GMEB2: variants seen among roughly 807,000 people sequenced by gnomAD.
The protein encoded by GMEB2 is glucocorticoid modulatory element-binding protein 2.
In GMEB2, 7 loss-of-function variants were observed where a neutral mutation model predicts 45.7. The observed-to-expected ratio is 0.15, with a 90% CI of 0.09 to 0.29. The LOEUF is 0.29. GMEB2 is among the 10% of genes least tolerant of loss of function. The pLI, the probability that GMEB2 is intolerant of heterozygous loss-of-function variation, is 1.00. For missense variants in GMEB2, 582 were observed against 739.2 expected (o/e 0.79, Z 2.47); for synonymous variants, 322 against 323.6 (o/e 1.00, Z 0.05).
intron 6 of GMEB2, among the ~76,000 whole-genome samples, chr20:63,594,074 T>C (rs969254779): frequency 6.6e-6 from 1 of 152,242 alleles, no homozygotes; most frequent in Admixed American, 6.5e-5. Context: ...ATACTGGCCT[T>C]TTCCACATTC....
chr20:63,591,240 G>A (rs1018720705), intron 9 of GMEB2, among the ~76,000 whole-genome samples: 1 of 151,962 alleles, frequency 6.6e-6, no homozygotes, highest in Non-Finnish European at 1.5e-5. Flanking sequence ...AGTGAAGAGT[G>A]AACACACAGT....
chr20:63,604,415 G>A (rs899818987), intron 3 of GMEB2, among the ~76,000 whole-genome samples: 8 of 152,146 alleles, frequency 5.3e-5, no homozygotes, highest in African/African-American at 1.2e-4. Flanking sequence ...TTCACTGATC[G>A]TTATAATAAA....
In GMEB2 at chr20:63,592,656, A is replaced by G; in HGVS notation, c.706T>C (p.Phe236Leu). The G allele has an allele frequency of 6.2e-7, 1 of 1,613,572 alleles. No homozygotes were observed. Among genetic ancestry groups the G allele is most frequent in the African/African-American group, 1.3e-5 (1 of 75,036 alleles). The change falls in exon 8 of 10, where the codon TTC (phenylalanine) becomes CTC (leucine). Residue 236 changes from phenylalanine to leucine, a missense_variant. Transcript: ENST00000370077. This position sits in a 1 kb window ranked among gnomAD's most constrained non-coding sequence, Gnocchi z 8.2. ...TAAIGDDTFT[F>L]WRGLKDAGLL... The stretch of plus-strand genomic sequence containing the variant: ...CCGGCGTCCTTCAGCCCCCGCCAGA[A>G]GGTAAATGTGTCATCTGTGAGGGAA...
chr20:63,599,176 GC>G (rs1189439200), intron 4 of GMEB2, among the ~76,000 whole-genome samples: 3 of 150,154 alleles, frequency 2.0e-5, no homozygotes, highest in Admixed American at 6.6e-5. Context: ...CGCTAACGCG[GC>G]CCGCTCCTGA....
chr20:63,617,892 C>A (rs764617183), intron 2 of GMEB2, among the ~76,000 whole-genome samples: 3 of 152,188 alleles, frequency 2.0e-5, no homozygotes, highest in Admixed American at 1.3e-4. Flanking sequence ...AGCAGCCTCT[C>A]CCCAGGTCAG....
At chr20:63,620,976 C>G (rs973708094) in intron 1 of GMEB2, among the ~76,000 whole-genome samples, 1 of 152,062 alleles carries the variant, frequency 6.6e-6, no homozygotes, top group Non-Finnish European at 1.5e-5. Context: ...ACATTGTCAA[C>G]CAAGTGGAAA....
At position 63,604,113 on chromosome 20, in the gene GMEB2, C is replaced by G. The variant is rs6122133; in HGVS notation, c.229+630G>C. Among the ~76,000 whole-genome samples, 117 of 149,498 alleles carry G rather than the reference C, an allele frequency of 7.8e-4. 2 individuals are homozygous for G. The East Asian group carries it at 0.016, about 21-fold the overall frequency. The stretch of plus-strand genomic sequence containing the variant: ...AGGCTCAGTGGCTCACACCTGTAAT[C>G]CCAACACTTTGGGAGGCTGAGGCTG... On this transcript the variant is annotated intron_variant, in intron 3 of 9. Transcript: ENST00000370077.
In GMEB2 at chr20:63,619,978, C is replaced by G. The variant is rs956355531; in HGVS notation, c.-57-524G>C. 1 of 152,484 alleles carries G rather than the reference C, an allele frequency of 6.6e-6. No homozygotes were observed. Among genetic ancestry groups the G allele is most frequent in the African/African-American group, 2.4e-5 (1 of 41,456 alleles). 9.4% of individuals were successfully genotyped at this position (152,484 alleles called of 1,614,324 possible). On this transcript the variant is annotated intron_variant, in intron 1 of 9. Transcript: ENST00000370077. The surrounding 1 kb of genome is among the most constrained non-coding windows in gnomAD (Gnocchi z 4.6). Reference sequence around the variant, plus strand: ...TTGGGTTTTTTTTGAGACGGAGTCTCGCTCTGTCGCCCAGGCTGGAATGCA... The same window carrying G: ...TTGGGTTTTTTTTGAGACGGAGTCTGGCTCTGTCGCCCAGGCTGGAATGCA...
intron 2 of GMEB2, among the ~76,000 whole-genome samples, chr20:63,618,219 C>A (rs1004279049): frequency 6.6e-6 from 1 of 152,160 alleles, no homozygotes; most frequent in Non-Finnish European, 1.5e-5. Flanking sequence ...TGTGAACATC[C>A]AGCTAGCAGG....
rs1266476737 is a variant in GMEB2, at chr20:63,588,142, A to G, written c.*1947T>C. 1 of 152,392 alleles carries G rather than the reference A, an allele frequency of 6.6e-6. No homozygotes were observed. The highest frequency in any genetic ancestry group is 2.4e-5 in the African/African-American group (1 of 41,466). The allele number at this position is 152,392 out of a possible 1,614,324, so 9.4% of individuals were successfully genotyped here. Reference sequence around the variant, plus strand: ...GAAGCTGGTTGTGGCTTATTTTTGTATGGCTCTGAAATTAACTTCCTCTCC... The same window carrying G: ...GAAGCTGGTTGTGGCTTATTTTTGTGTGGCTCTGAAATTAACTTCCTCTCC... On this transcript the variant is annotated 3_prime_UTR_variant, in exon 10 of 10. Transcript: ENST00000370077.
Position 63,595,658 on chromosome 20 carries a change from T to C in GMEB2, c.571A>G (p.Ser191Gly), listed in dbSNP as rs763565460. 3 of 1,613,582 alleles carry C rather than the reference T, an allele frequency of 1.9e-6. No homozygotes were observed. The highest frequency in any genetic ancestry group is 4.5e-5 in the East Asian group (2 of 44,880). Residue 191 changes from serine to glycine, a missense_variant, in exon 6 of 10, where the codon AGC becomes GGC. By Grantham distance (56) the Ser-to-Gly change is moderately conservative. Transcript: ENST00000370077. ...DLSGARVSLSSPTSAEYIPLT... is the reference protein window; with the variant it reads ...DLSGARVSLSGPTSAEYIPLT... ...GGAATGTACTCGGCCGACGTGGGGCTGCTCAGGGACACACGGGCTCCTGAG... is the reference window on the plus strand; with the variant it reads ...GGAATGTACTCGGCCGACGTGGGGCCGCTCAGGGACACACGGGCTCCTGAG...
chr20:63,614,037 G>T (rs924953656), intron 2 of GMEB2, among the ~76,000 whole-genome samples: 1 of 152,006 alleles, frequency 6.6e-6, no homozygotes, highest in Non-Finnish European at 1.5e-5. Context: ...TGTCAGACTG[G>T]GCAACACCCA....
At chr20:63,614,103 G>C (rs1435975084) in intron 2 of GMEB2, among the ~76,000 whole-genome samples, 2 of 152,110 alleles carry the variant, frequency 1.3e-5, no homozygotes, top group Admixed American at 1.3e-4. Context: ...CGAGGCAAGA[G>C]ACCGAGGGCA....
chr20:63,609,768 T>C lies in GMEB2; in HGVS notation c.132-4928A>G, dbSNP rs66999944. ...GTCCCTCTGACCCCACCTCCATTTC[T>C]AGAAACATGCCCCTCTGACCCCACC... is the stretch of plus-strand genomic sequence containing the variant. On this transcript the variant is annotated intron_variant, in intron 2 of 9. Transcript: ENST00000370077. Among the ~76,000 whole-genome samples the C allele has an allele frequency of 5.3e-3, 298 of 55,908 alleles. 13 individuals carry two copies. Among genetic ancestry groups the C allele is most frequent in the African/African-American group, 7.9e-3 (126 of 16,038 alleles). 36.7% of individuals were successfully genotyped at this position (55,908 alleles called of 152,430 possible). A position where few individuals can be genotyped will look rare whatever the true frequency, so the allele number is the denominator to read the frequency against.
intron 2 of GMEB2, 167 bp from the exon 3 acceptor site, chr20:63,605,007 T>C (rs2089507738): frequency 1.8e-6 from 1 of 557,972 alleles, no homozygotes; most frequent in South Asian, 1.9e-5. Context: ...TCCCAGCACT[T>C]TGGGAGGCTG....
At chr20:63,616,084 A>G (rs1162269394) in intron 2 of GMEB2, among the ~76,000 whole-genome samples, 1 of 152,160 alleles carries the variant, frequency 6.6e-6, no homozygotes, top group African/African-American at 2.4e-5. Context: ...TATATTTTGT[A>G]ATAAAAATGG....
chr20:63,589,783 C>T lies in GMEB2; in HGVS notation c.*306G>A, dbSNP rs942198796. 2.2e-5 allele frequency: 6 copies of T among 277,070 alleles called. No homozygotes were observed. The highest frequency in any genetic ancestry group is 5.3e-5 in the Admixed American group (1 of 18,832). The allele number at this position is 277,070 out of a possible 1,614,324, so 17.2% of individuals were successfully genotyped here. A position where few individuals can be genotyped will look rare whatever the true frequency, so the allele number is the denominator to read the frequency against. On this transcript the variant is annotated 3_prime_UTR_variant, in exon 10 of 10. Transcript: ENST00000370077. Reference sequence around the variant, plus strand: ...CTGCACCCAGGCTCCCCCTAGCCCCCGCCCACCTGGCTCCTGATCAAGGCC... The same window carrying T: ...CTGCACCCAGGCTCCCCCTAGCCCCTGCCCACCTGGCTCCTGATCAAGGCC...
intron 2 of GMEB2, among the ~76,000 whole-genome samples, chr20:63,614,610 T>G (rs1434317343): frequency 6.6e-6 from 1 of 152,202 alleles, no homozygotes; most frequent in African/African-American, 2.4e-5. Context: ...CCCGCAGTTA[T>G]CCGGAGGCCT....
At chr20:63,621,934 G>C (rs1179879822) in intron 1 of GMEB2, among the ~76,000 whole-genome samples, 1 of 151,566 alleles carries the variant, frequency 6.6e-6, no homozygotes, top group South Asian at 2.1e-4. Context: ...GACCAGCCTG[G>C]GCAACACAGC....
Sources: gnomAD v4.1 joint callset for allele counts (sites outside exome capture counted in the v4.1 genomes callset) on GRCh38, gnomAD v4.1.1 for gene constraint, Gnocchi (gnomAD v3.1) non-coding constraint, MANE v1.5 for transcripts, NCBI Gene and HGNC (gene_info 2026-07-23, HGNC 2026-07-21) for gene names.